Variants in TTC7A observed in about 807,000 individuals in gnomAD.
The protein encoded by TTC7A is tetratricopeptide repeat protein 7A.
A neutral mutation model predicts 103.7 loss-of-function variants in TTC7A; 110 were observed. The observed-to-expected ratio is 1.06, with a 90% confidence interval of 0.91 to 1.24. The LOEUF is 1.24. TTC7A is among the 50% of genes most tolerant of loss of function. TTC7A has a pLI of 0.00. For synonymous variants in TTC7A, 521 were observed against 467.9 expected (o/e 1.11, Z -1.47); for missense variants, 1,340 against 1,116.3 (o/e 1.20, Z -2.86).
chr2:46,942,741 G>A lies in TTC7A; in HGVS notation c.184+1016G>A, dbSNP rs73926985. On this transcript the variant is annotated intron_variant, in intron 1 of 19. Coordinates refer to ENST00000319190, the MANE Select transcript of TTC7A (RefSeq NM_020458.4). ...CCAGGATTTGTGCCCAGGTTTCTGAGTACATCCTTTAAATCACTTGCACTA... is the reference window on the plus strand; with the variant it reads ...CCAGGATTTGTGCCCAGGTTTCTGAATACATCCTTTAAATCACTTGCACTA... Among the ~76,000 whole-genome samples, 571 of 152,314 alleles carry A rather than the reference G, an allele frequency of 3.7e-3. 3 individuals are homozygous for A. Among genetic ancestry groups the A allele is most frequent in the African/African-American group, 0.012 (518 of 41,558 alleles).
exon 1 of TTC7A, chr2:46,916,302 T>G: frequency 2.1e-6 from 1 of 468,458 alleles, no homozygotes. Context: ...AAGATTGGCC[T>G]GCTTCCAGCG....
At chr2:46,917,490 A>C (rs6729120) in intron 2 of TTC7A, among the ~76,000 whole-genome samples, 1 of 152,078 alleles carries the variant, frequency 6.6e-6, no homozygotes, top group Non-Finnish European at 1.5e-5. Flanking sequence ...AATATCTTCT[A>C]TGTACTAGGC....
At chr2:47,037,330 T>C (rs1378674474) in intron 15 of TTC7A, among the ~76,000 whole-genome samples, 1 of 152,192 alleles carries the variant, frequency 6.6e-6, no homozygotes, top group Non-Finnish European at 1.5e-5. Flanking sequence ...TCCAGTGGAC[T>C]CTCCAGCTGC....
At chr2:46,987,829 T>G (rs1675189778) in intron 5 of TTC7A, among the ~76,000 whole-genome samples, 1 of 151,256 alleles carries the variant, frequency 6.6e-6, no homozygotes, top group African/African-American at 2.4e-5. Context: ...TGTGTGTGTG[T>G]GTGTGTGTGT....
chr2:46,939,995 C>T (rs371374099), upstream of TTC7A, among the ~76,000 whole-genome samples: 3 of 152,288 alleles, frequency 2.0e-5, no homozygotes, highest in South Asian at 6.2e-4. Flanking sequence ...ATCCTGCCCA[C>T]CAAACAAGGA....
intron 1 of TTC7A, among the ~76,000 whole-genome samples, chr2:46,946,132 A>C (rs1352926443): frequency 6.6e-6 from 1 of 152,176 alleles, no homozygotes; most frequent in East Asian, 1.9e-4. Flanking sequence ...GGCCTTCCAG[A>C]CACGATGGGG....
intron 15 of TTC7A, among the ~76,000 whole-genome samples, chr2:47,032,338 T>G (rs1469304671): frequency 2.0e-5 from 3 of 152,220 alleles, no homozygotes; most frequent in East Asian, 1.9e-4. Context: ...GTTGTCAATG[T>G]GCAGAGTAAC....
At chr2:46,965,728 AT>A (rs1418247838) in intron 3 of TTC7A, among the ~76,000 whole-genome samples, 2 of 151,766 alleles carry the variant, frequency 1.3e-5, no homozygotes, top group Admixed American at 1.3e-4. Context: ...TACCCTGCTA[AT>A]TTTTTGTATT....
intron 15 of TTC7A, among the ~76,000 whole-genome samples, chr2:47,041,420 G>A (rs549700362): frequency 1.2e-4 from 18 of 152,266 alleles, no homozygotes; most frequent in African/African-American, 4.1e-4. Flanking sequence ...TCCATAGGCC[G>A]GGCTGGCTGC....
At chr2:46,980,221 T>C (rs1010587850) in intron 5 of TTC7A, among the ~76,000 whole-genome samples, 11 of 151,044 alleles carry the variant, frequency 7.3e-5, no homozygotes, top group East Asian at 1.9e-4. Context: ...TCTCTCTTTT[T>C]TTTTTTTTTT....
At chr2:47,047,935 C>T (rs536116201) in intron 16 of TTC7A, among the ~76,000 whole-genome samples, 40 of 152,302 alleles carry the variant, frequency 2.6e-4, no homozygotes, top group African/African-American at 9.4e-4. Flanking sequence ...GATCCAGGCT[C>T]CTGGTCCAGA....
intron 15 of TTC7A, among the ~76,000 whole-genome samples, chr2:47,031,003 T>G (rs1423973941): frequency 2.6e-5 from 4 of 152,060 alleles, no homozygotes; most frequent in African/African-American, 9.7e-5. Flanking sequence ...AAAAATTAGC[T>G]CGGTGTGATG....
chr2:46,984,767 T>TCAC (rs1340849381), intron 5 of TTC7A, among the ~76,000 whole-genome samples: 5 of 152,152 alleles, frequency 3.3e-5, no homozygotes, highest in Non-Finnish European at 5.9e-5. Flanking sequence ...TGAGGGAGGC[T>TCAC]TGGAGAGGTT....
intron 3 of TTC7A, 46 bp from the exon 4 acceptor site, chr2:46,974,925 CAG>C (rs749441294): frequency 3.1e-6 from 5 of 1,598,962 alleles, no homozygotes; most frequent in Middle Eastern, 2.0e-4. Flanking sequence ...GGCCTGGAGT[CAG>C]GGGGCCCGAG....
chr2:46,998,698 C>T (rs1364517864), intron 8 of TTC7A, among the ~76,000 whole-genome samples: 1 of 152,174 alleles, frequency 6.6e-6, no homozygotes, highest in Non-Finnish European at 1.5e-5. Context: ...ATCATCATTG[C>T]TTCCACCTCC....
chr2:47,035,920 G>C (rs13407889), intron 15 of TTC7A, among the ~76,000 whole-genome samples: 7,520 of 152,258 alleles, frequency 0.049, 609 homozygotes, highest in African/African-American at 0.17. Flanking sequence ...AGGGCAGAGA[G>C]ACCAAGGCAA....
intron 2 of TTC7A, among the ~76,000 whole-genome samples, chr2:46,955,774 C>T (rs1671802264): frequency 6.6e-6 from 1 of 152,154 alleles, no homozygotes; most frequent in Non-Finnish European, 1.5e-5. Context: ...ACTCTTACCT[C>T]CCTACAGGGA....
intron 15 of TTC7A, among the ~76,000 whole-genome samples, chr2:47,045,233 C>A (rs1444089367): frequency 1.3e-5 from 2 of 152,222 alleles, no homozygotes; most frequent in African/African-American, 4.8e-5. Flanking sequence ...GACTGGACTT[C>A]CATACTGGTT....
At chr2:46,988,580 G>A (rs1572828924) in intron 5 of TTC7A, among the ~76,000 whole-genome samples, 1 of 152,332 alleles carries the variant, frequency 6.6e-6, no homozygotes, top group South Asian at 2.1e-4. Flanking sequence ...CTCTGTTTCA[G>A]CTCAAACCCA....
Sources: gnomAD v4.1 joint callset for allele counts (sites outside exome capture counted in the v4.1 genomes callset) on GRCh38, gnomAD v4.1.1 for gene constraint, MANE v1.5 for transcripts, NCBI Gene and HGNC (gene_info 2026-07-23, HGNC 2026-07-21) for gene names.